The following LRRK2 variants were observed in gnomAD, a reference collection of about 807,000 sequenced individuals.
LRRK2 encodes leucine-rich repeat serine/threonine-protein kinase 2.
In LRRK2, 203 loss-of-function variants were observed where a neutral mutation model predicts 302.6. The observed-to-expected ratio is 0.67, with a 90% CI of 0.60 to 0.75. The LOEUF is 0.75. Ranked by LOEUF, LRRK2 falls within the 30% of genes least tolerant of loss-of-function variation. The probability of loss-of-function intolerance (pLI) is 0.00; values close to 1 mark genes in which losing one functional copy is unlikely to be tolerated. For missense variants in LRRK2, 2,830 were observed against 2,951.0 expected (o/e 0.96, Z 0.95); for synonymous variants, 1,066 against 1,031.9 (o/e 1.03, Z -0.63).
Position 40,230,281 on chromosome 12 carries a change from A to T in LRRK2, c.238-1993A>T, listed in dbSNP as rs73106332. Among the ~76,000 whole-genome samples, 788 of 152,274 alleles carry T rather than the reference A, an allele frequency of 5.2e-3. 1 individual carries two copies. Among genetic ancestry groups the T allele is most frequent in the Non-Finnish European group, 9.3e-3 (633 of 68,016 alleles). ...TATTGTAAAGAGATCTTGAGTAATC[A>T]TTTTTATCTTCCTAAAATAGCCGTT... On this transcript the variant is annotated intron_variant, in intron 2 of 50. Coordinates refer to ENST00000298910, the MANE Select transcript of LRRK2 (RefSeq NM_198578.4).
At chr12:40,225,748 G>T (rs1285541559) in intron 2 of LRRK2, 108 bp downstream of exon 2, 2 of 938,802 alleles carry the variant, frequency 2.1e-6, no homozygotes, top group Non-Finnish European at 3.4e-6. Context: ...CCAAAATTTG[G>T]CTTGAGGAAC....
Position 40,274,842 on chromosome 12 carries a change from T to G in LRRK2, c.1802-12T>G. 6.2e-7 allele frequency: 1 copy of G among 1,610,000 alleles called. No homozygotes were observed. Among genetic ancestry groups the G allele is most frequent in the Non-Finnish European group, 8.5e-7 (1 of 1,176,700 alleles). On this transcript the variant is annotated splice_polypyrimidine_tract_variant and intron_variant, in intron 15 of 50. Coordinates refer to ENST00000298910, the MANE Select transcript of LRRK2 (RefSeq NM_198578.4). ...TGAGATTTAAAACAATTCTTTTTTT[T>G]TATTTTCCTAGAAATTCAGTGTCTG...
chr12:40,299,849 A>G (rs538983793), intron 25 of LRRK2, among the ~76,000 whole-genome samples: 38 of 152,204 alleles, frequency 2.5e-4, no homozygotes, highest in South Asian at 2.3e-3. Context: ...TGGTGAGGGA[A>G]GAAGGGATTT....
intron 25 of LRRK2, among the ~76,000 whole-genome samples, chr12:40,300,451 C>A (rs1192823271): frequency 6.6e-6 from 1 of 152,126 alleles, no homozygotes; most frequent in African/African-American, 2.4e-5. Flanking sequence ...TTATTCTATA[C>A]CTGACTCAGT....
chr12:40,300,775 A>C (rs868092113), intron 25 of LRRK2: 1 of 471,100 alleles, frequency 2.1e-6, no homozygotes. Flanking sequence ...TGGCATAAAT[A>C]AATGTAATTT....
chr12:40,306,228 A>G (rs1944818624), intron 28 of LRRK2, among the ~76,000 whole-genome samples: 1 of 152,142 alleles, frequency 6.6e-6, no homozygotes, highest in African/African-American at 2.4e-5. Context: ...GTAGACTCTA[A>G]AAGAAAATAA....
intron 16 of LRRK2, among the ~76,000 whole-genome samples, chr12:40,277,227 A>T (rs1943495138): frequency 6.6e-6 from 1 of 152,190 alleles, no homozygotes; most frequent in Non-Finnish European, 1.5e-5. Context: ...CAAAAGCCCA[A>T]TCTTTCATTA....
chr12:40,324,394 A>C (rs1945487257), intron 38 of LRRK2, among the ~76,000 whole-genome samples: 1 of 152,162 alleles, frequency 6.6e-6, no homozygotes, highest in African/African-American at 2.4e-5. Context: ...TCTCATAGCA[A>C]TTTACAAGTA....
intron 33 of LRRK2, among the ~76,000 whole-genome samples, chr12:40,317,297 TTTTA>T (rs1945255783): frequency 6.6e-6 from 1 of 152,238 alleles, no homozygotes; most frequent in East Asian, 1.9e-4. Context: ...GTGCCATCAT[TTTTA>T]TTTATGCCAA....
chr12:40,263,699 T>A, intron 13 of LRRK2, 90 bp from the exon 14 acceptor site: 1 of 913,564 alleles, frequency 1.1e-6, no homozygotes, highest in East Asian at 2.6e-5. Flanking sequence ...ATTGTGAGAT[T>A]AATTATGACA....
intron 41 of LRRK2, among the ~76,000 whole-genome samples, chr12:40,344,295 T>C (rs185006116): frequency 7.6e-4 from 116 of 152,278 alleles, no homozygotes; most frequent in Non-Finnish European, 1.2e-3. Flanking sequence ...ATGCTGAACA[T>C]TTAAATAGTT....
intron 38 of LRRK2, among the ~76,000 whole-genome samples, chr12:40,324,395 T>C (rs1031696948): frequency 4.6e-5 from 7 of 152,206 alleles, no homozygotes; most frequent in Non-Finnish European, 7.3e-5. Flanking sequence ...CTCATAGCAA[T>C]TTACAAGTAT....
At chr12:40,287,296 T>C (rs1184794975) in intron 19 of LRRK2, 55 bp from the exon 20 acceptor site, 30 of 1,527,162 alleles carry the variant, frequency 2.0e-5, no homozygotes, top group Non-Finnish European at 2.6e-5. Flanking sequence ...CCTATGTATG[T>C]TTATTTTTGC....
intron 12 of LRRK2, among the ~76,000 whole-genome samples, chr12:40,257,773 C>A (rs1046850273): frequency 6.6e-6 from 1 of 152,174 alleles, no homozygotes; most frequent in Non-Finnish European, 1.5e-5. Context: ...TCTGAATGAA[C>A]TTTGTCTTCT....
At chr12:40,282,342 T>C (rs1257962725) in intron 18 of LRRK2, among the ~76,000 whole-genome samples, 1 of 151,970 alleles carries the variant, frequency 6.6e-6, no homozygotes, top group African/African-American at 2.4e-5. Context: ...ATTGCAGTAA[T>C]GTAAAGCCCT....
At chr12:40,284,331 A>G (rs1943830235) in intron 19 of LRRK2, among the ~76,000 whole-genome samples, 198 bp downstream of exon 19, 1 of 151,014 alleles carries the variant, frequency 6.6e-6, no homozygotes, top group South Asian at 2.1e-4. Flanking sequence ...GCAAATAGTT[A>G]TTTATAAAAA....
Position 40,334,965 on chromosome 12 carries a change from A to G in LRRK2, c.5758-2A>G. 6.2e-7 allele frequency: 1 copy of G among 1,613,824 alleles called. No individual in the cohort carries two copies. Among genetic ancestry groups the G allele is most frequent in the Admixed American group, 1.7e-5 (1 of 60,008 alleles). ...CTCTTACATGATTTTGGACTTTTGCAGGAGCTTGTGGTGCTTTGCCACCTC... is the reference window on the plus strand; with the variant it reads ...CTCTTACATGATTTTGGACTTTTGCGGGAGCTTGTGGTGCTTTGCCACCTC... On this transcript the variant is annotated splice_acceptor_variant, in intron 39 of 50. Transcript: ENST00000298910. LOFTEE classifies it high-confidence loss of function.
chr12:40,367,045 G>C lies in LRRK2; in HGVS notation c.7430G>C (p.Arg2477Pro), dbSNP rs146428335. 6.2e-7 allele frequency: 1 copy of C among 1,607,684 alleles called. No homozygotes were observed. Among genetic ancestry groups the C allele is most frequent in the Non-Finnish European group, 8.5e-7 (1 of 1,175,842 alleles). Residue 2477 changes from arginine to proline, a missense_variant, in exon 50 of 51, where the codon CGG becomes CCG. This residue lies in a region of LRRK2 where 456 missense variants were observed against 456.3 expected (regional missense o/e 1.00). Coordinates refer to ENST00000298910, the MANE Select transcript of LRRK2 (RefSeq NM_198578.4). Reference sequence around the variant, plus strand: ...GTCATGCTGGTATTGGGCTACAACCGGAAAAATACTGAAGGTACACAAAAG... The same window carrying C: ...GTCATGCTGGTATTGGGCTACAACCCGAAAAATACTGAAGGTACACAAAAG... ...KNVMLVLGYN[R>P]KNTEGTQKQK...
rs540242269 is a variant in LRRK2, at chr12:40,250,199, T to A, written c.958+254T>A. Among the ~76,000 whole-genome samples the A allele has an allele frequency of 2.0e-4, 30 of 152,320 alleles. No individual in the cohort carries two copies. In the South Asian group the frequency reaches 5.8e-3, roughly 29 times the overall value. On this transcript the variant is annotated intron_variant, in intron 8 of 50. Coordinates refer to ENST00000298910, the MANE Select transcript of LRRK2 (RefSeq NM_198578.4). ...AAGCAGCTAATCTGTTTTAAAAAAATTTTTATTTGTGCCTGGGCATGGTGG... is the reference window on the plus strand; with the variant it reads ...AAGCAGCTAATCTGTTTTAAAAAAAATTTTATTTGTGCCTGGGCATGGTGG...
Sources: gnomAD v4.1 joint callset for allele counts (sites outside exome capture counted in the v4.1 genomes callset) on GRCh38, gnomAD v4.1.1 for gene constraint, gnomAD v4.1.1 regional missense constraint, MANE v1.5 for transcripts, NCBI Gene and HGNC (gene_info 2026-07-23, HGNC 2026-07-21) for gene names.